The following TANC2 variants were observed in gnomAD, a reference collection of about 807,000 sequenced individuals.
TANC2 encodes protein TANC2.
A neutral mutation model predicts 210.5 loss-of-function variants in TANC2; 26 were observed. The ratio of observed to expected loss-of-function variants is 0.12; its 90% CI spans 0.09 to 0.17. TANC2 has a LOEUF of 0.17. TANC2 is among the 10% of genes least tolerant of loss of function. The probability of loss-of-function intolerance (pLI) is 1.00; values close to 1 mark genes in which losing one functional copy is unlikely to be tolerated. For synonymous variants in TANC2, 931 were observed against 967.1 expected, an observed-to-expected ratio of 0.96 and a Z score of 0.69; for missense variants, 2,129 against 2,608.9, an observed-to-expected ratio of 0.82 and a Z score of 4.01.
chr17:63,047,250 A>G (rs1304966470), intron 2 of TANC2, among the ~76,000 whole-genome samples: 1 of 152,212 alleles, frequency 6.6e-6, no homozygotes, highest in East Asian at 1.9e-4. Flanking sequence ...CCAATTAGAA[A>G]TGAAGCTGGA....
At chr17:63,263,959 T>C (rs965686955) in intron 8 of TANC2, among the ~76,000 whole-genome samples, 14 of 152,200 alleles carry the variant, frequency 9.2e-5, no homozygotes, top group Non-Finnish European at 1.5e-4. Flanking sequence ...TACGGAAATA[T>C]AACAGCTCAA....
intron 12 of TANC2, among the ~76,000 whole-genome samples, chr17:63,348,138 A>G (rs986310854): frequency 1.4e-4 from 22 of 152,294 alleles, no homozygotes; most frequent in African/African-American, 5.1e-4. Context: ...CAGAACAAAG[A>G]TATTGTCTGA....
intron 5 of TANC2, among the ~76,000 whole-genome samples, chr17:63,181,023 CAAAAAAAAAAAAAA>C (rs1171748208): frequency 9.8e-5 from 3 of 30,644 alleles, no homozygotes; most frequent in African/African-American, 2.8e-4. Flanking sequence ...GACTCCATCT[CAAAAAAAAAAAAAA>C]AAAAAAAAAA....
At chr17:63,171,999 A>G (rs557344294) in intron 5 of TANC2, among the ~76,000 whole-genome samples, 1 of 152,258 alleles carries the variant, frequency 6.6e-6, no homozygotes, top group Admixed American at 6.5e-5. Flanking sequence ...TACCAGAGCA[A>G]TGATATTTTA....
intron 1 of TANC2, among the ~76,000 whole-genome samples, chr17:62,994,829 T>C (rs2033032170): frequency 6.6e-6 from 1 of 152,238 alleles, no homozygotes; most frequent in African/African-American, 2.4e-5. Context: ...TCTGTCTTTT[T>C]GCATTCTTCT....
chr17:63,154,436 G>T (rs940953950), intron 5 of TANC2: 1 of 151,928 alleles, frequency 6.6e-6, no homozygotes, highest in Non-Finnish European at 1.5e-5. Context: ...TATGAAAAAG[G>T]GTAACCAACT....
chr17:63,203,970 A>T (rs1330280444), intron 7 of TANC2, among the ~76,000 whole-genome samples: 1 of 152,182 alleles, frequency 6.6e-6, no homozygotes, highest in East Asian at 1.9e-4. Context: ...TTTTTCCCAC[A>T]TTTGGCTTCC....
chr17:63,335,204 TA>T (rs1283148235), intron 11 of TANC2, among the ~76,000 whole-genome samples: 1 of 152,180 alleles, frequency 6.6e-6, no homozygotes, highest in African/African-American at 2.4e-5. Context: ...CAAAGAGGGA[TA>T]AAACACTCTT....
intron 4 of TANC2, among the ~76,000 whole-genome samples, chr17:63,135,526 CTTT>C (rs928309852): frequency 1.3e-5 from 2 of 150,408 alleles, no homozygotes; most frequent in African/African-American, 4.9e-5. Flanking sequence ...TCACTTTTAG[CTTT>C]TTTTTTGTTG....
rs1168325469 is a variant in TANC2, at chr17:62,985,081, T to A, written c.-24+18332T>A. ...TTGAAATCAGTCTAATGTTGATAAA[T>A]TCCCATAGTTTTGGCTTGTCTGAAG... On this transcript the variant is annotated intron_variant, in intron 1 of 27. Transcript: ENST00000689528. 7.9e-5 allele frequency among the ~76,000 whole-genome samples: 12 copies of A among 152,346 alleles called. No individual in the cohort carries two copies. The South Asian group carries it at 2.5e-3, about 32-fold the overall frequency.
At chr17:63,409,082 G>A (rs548087897) in intron 21 of TANC2, among the ~76,000 whole-genome samples, 103 of 152,326 alleles carry the variant, frequency 6.8e-4, no homozygotes, top group African/African-American at 2.4e-3. Context: ...AGGGTGGGTG[G>A]AGAATTTAAA....
At chr17:63,039,581 C>T (rs1024245081) in intron 2 of TANC2, among the ~76,000 whole-genome samples, 4 of 152,182 alleles carry the variant, frequency 2.6e-5, no homozygotes, top group Non-Finnish European at 5.9e-5. Context: ...GACAATTTCT[C>T]CACTGTCCAG....
At chr17:63,198,689 G>GA (rs779362298) in intron 6 of TANC2, among the ~76,000 whole-genome samples, 5 of 151,940 alleles carry the variant, frequency 3.3e-5, no homozygotes, top group Admixed American at 6.6e-5. Flanking sequence ...TTTTGTAAGA[G>GA]AGCTTGCATG....
chr17:63,312,416 T>C (rs2146572156), intron 9 of TANC2, among the ~76,000 whole-genome samples: 1 of 152,238 alleles, frequency 6.6e-6, no homozygotes, highest in Middle Eastern at 3.4e-3. Flanking sequence ...CTTTGCAGGA[T>C]CATGGATGCA....
At chr17:62,986,721 C>G (rs2032585007) in intron 1 of TANC2, among the ~76,000 whole-genome samples, 2 of 152,226 alleles carry the variant, frequency 1.3e-5, no homozygotes, top group African/African-American at 2.4e-5. Flanking sequence ...TGCAAGTGAA[C>G]AGCTGCTCAG....
At chr17:63,107,707 G>A (rs1157806473) in intron 4 of TANC2, among the ~76,000 whole-genome samples, 1 of 151,734 alleles carries the variant, frequency 6.6e-6, no homozygotes, top group Non-Finnish European at 1.5e-5. Context: ...AAGGAAACCA[G>A]TCACAAAAGA....
At chr17:63,358,376 A>AGAGAGAGAGAGTGTGTGTGTGTGT (rs1470682571) in intron 14 of TANC2, among the ~76,000 whole-genome samples, 3 of 81,046 alleles carry the variant, frequency 3.7e-5, no homozygotes, top group Admixed American at 2.8e-4. Flanking sequence ...AGAGAGAGAG[A>AGAGAGAGAGAGTGTGTGTGTGTGT]GTATGTGTGT....
At chr17:63,144,077 GTATTCTTTATGGTATA>G (rs1484257352) in intron 4 of TANC2, among the ~76,000 whole-genome samples, 1 of 152,052 alleles carries the variant, frequency 6.6e-6, no homozygotes, top group African/African-American at 2.4e-5. Context: ...ACTTAGCTCT[GTATTCTTTATGGTATA>G]TATTCTAGTG....
chr17:63,266,116 C>T (rs2043517393), intron 8 of TANC2, among the ~76,000 whole-genome samples: 1 of 152,044 alleles, frequency 6.6e-6, no homozygotes, highest in Admixed American at 6.6e-5. Context: ...AGCTATACAA[C>T]TACATTGAAA....
Sources: allele counts gnomAD v4.1 joint callset (sites outside exome capture counted in the v4.1 genomes callset), GRCh38; gene constraint gnomAD v4.1.1; transcripts MANE v1.5; gene names NCBI Gene and HGNC (gene_info 2026-07-23, HGNC 2026-07-21).